Variants in ADGRF5 observed in about 807,000 individuals in gnomAD.
ADGRF5 encodes the protein G-protein coupled receptor 116.
A neutral mutation model predicts 132.3 loss-of-function variants in ADGRF5; 75 were observed. That is an observed-to-expected ratio of 0.57 (90% confidence interval 0.47 to 0.69). The LOEUF (loss-of-function observed/expected upper bound fraction) is 0.69, where lower values mean the gene tolerates loss of function less well. Ranked by LOEUF, ADGRF5 falls within the 30% of genes least tolerant of loss-of-function variation. ADGRF5 has a pLI of 0.00. For missense variants in ADGRF5, 1,516 were observed against 1,630.6 expected (o/e 0.93, Z 1.21); for synonymous variants, 629 against 597.6 (o/e 1.05, Z -0.77).
At chr6:46,882,797 G>T (rs569849099) in intron 6 of ADGRF5, among the ~76,000 whole-genome samples, 2 of 152,168 alleles carry the variant, frequency 1.3e-5, no homozygotes, top group African/African-American at 4.8e-5. Flanking sequence ...CTTCTGAAGC[G>T]GCACTTCATC....
intron 2 of ADGRF5, among the ~76,000 whole-genome samples, chr6:46,905,700 G>A (rs1775281156): frequency 6.6e-6 from 1 of 151,824 alleles, no homozygotes; most frequent in Non-Finnish European, 1.5e-5. Context: ...GACAAAGAAG[G>A]GCATTTTATA....
At chr6:46,918,874 C>T (rs1052350716) in intron 1 of ADGRF5, among the ~76,000 whole-genome samples, 3 of 152,190 alleles carry the variant, frequency 2.0e-5, no homozygotes, top group Non-Finnish European at 2.9e-5. Flanking sequence ...CTCAGTTTAG[C>T]CACTGTATCT....
At chr6:46,856,950 G>T in intron 17 of ADGRF5, 42 bp from the exon 18 acceptor site, 1 of 1,469,532 alleles carries the variant, frequency 6.8e-7, no homozygotes, top group Non-Finnish European at 9.5e-7. Context: ...TTTAATTATA[G>T]TCTATTGTCC....
At chr6:46,882,137 T>C (rs1299969485) in intron 6 of ADGRF5, 30 bp from the exon 7 acceptor site, 6 of 1,517,050 alleles carry the variant, frequency 4.0e-6, no homozygotes, top group Admixed American at 3.3e-5. Context: ...GAATGTCATA[T>C]ATCAAAGTCG....
chr6:46,868,737 G>C lies in ADGRF5; in HGVS notation c.1621+146C>G, dbSNP rs1008148059. ...GAAATAATGGCATCTTCCCTCAAAG[G>C]AATGTTGCGTTAAGTGTGAAGACAT... is the stretch of plus-strand genomic sequence containing the variant. On this transcript the variant is annotated intron_variant, in intron 12 of 20. Coordinates refer to ENST00000283296, the MANE Select transcript of ADGRF5 (RefSeq NM_001098518.2). The C allele has an allele frequency of 5.1e-6, 3 of 591,340 alleles. No individual in the cohort carries two copies. The African/African-American group carries it at 5.5e-5, about 11-fold the overall frequency. The allele number at this position is 591,340 out of a possible 1,614,324, so 36.6% of individuals were successfully genotyped here.
At position 46,881,610 on chromosome 6, in the gene ADGRF5, C is replaced by T; in HGVS notation, c.672-13G>A. 6.2e-7 allele frequency: 1 copy of T among 1,611,278 alleles called. No homozygotes were observed. The highest frequency in any genetic ancestry group is 8.5e-7 in the Non-Finnish European group (1 of 1,178,304). On this transcript the variant is annotated splice_polypyrimidine_tract_variant and intron_variant, in intron 7 of 20. Coordinates refer to ENST00000283296, the MANE Select transcript of ADGRF5 (RefSeq NM_001098518.2). ...CACACTTCCAGACCTGGACAGAGAC[C>T]ACTCAGTTCAGTAAAACAATAACTG...
intron 1 of ADGRF5, among the ~76,000 whole-genome samples, chr6:46,910,664 T>G (rs900379895): frequency 3.3e-5 from 5 of 152,016 alleles, no homozygotes; most frequent in African/African-American, 1.2e-4. Flanking sequence ...AAGGTGCCAT[T>G]TGAGCTAAGA....
At chr6:46,882,207 T>G in intron 6 of ADGRF5, 100 bp from the exon 7 acceptor site, 1 of 808,032 alleles carries the variant, frequency 1.2e-6, no homozygotes, top group Non-Finnish European at 2.2e-6. Context: ...CTAATCACAC[T>G]AGGTAAAATT....
chr6:46,899,229 G>A (rs1051849212), intron 3 of ADGRF5, among the ~76,000 whole-genome samples: 11 of 152,148 alleles, frequency 7.2e-5, no homozygotes, highest in African/African-American at 2.2e-4. Flanking sequence ...TGTTGATGAC[G>A]TGAAAGGGAA....
At position 46,893,724 on chromosome 6, in the gene ADGRF5, T is replaced by A. The variant is rs922409964; in HGVS notation, c.158-5219A>T. Among the ~76,000 whole-genome samples, 3 of 152,172 alleles carry A rather than the reference T, an allele frequency of 2.0e-5. No individual in the cohort carries two copies. In the South Asian group the frequency reaches 6.2e-4, roughly 32 times the overall value. ...TGTGTTTTCTTTGCCCCTGGCATTG[T>A]TTATCTAGATTTTTCTGGCTCGCTG... On this transcript the variant is annotated intron_variant, in intron 3 of 20. Coordinates refer to ENST00000283296, the MANE Select transcript of ADGRF5 (RefSeq NM_001098518.2).
chr6:46,939,230 G>T (rs1358759295), intron 1 of ADGRF5, among the ~76,000 whole-genome samples: 4 of 152,138 alleles, frequency 2.6e-5, no homozygotes, highest in African/African-American at 9.7e-5. Context: ...TTAACTAGTG[G>T]TTCTCTTCTA....
chr6:46,930,345 T>C (rs769695495), intron 1 of ADGRF5, among the ~76,000 whole-genome samples: 5 of 152,204 alleles, frequency 3.3e-5, no homozygotes, highest in African/African-American at 1.2e-4. Flanking sequence ...TGGAGACAAA[T>C]TGCTTTAAGT....
intron 1 of ADGRF5, among the ~76,000 whole-genome samples, chr6:46,939,929 A>G (rs1244327245): frequency 1.3e-5 from 2 of 152,188 alleles, no homozygotes; most frequent in Non-Finnish European, 2.9e-5. Flanking sequence ...TGCTCACAGG[A>G]ACTTATTTCC....
intron 20 of ADGRF5, 75 bp from the exon 21 acceptor site, chr6:46,854,146 AC>A (rs2150768740): frequency 2.9e-6 from 3 of 1,048,128 alleles, no homozygotes; most frequent in Admixed American, 2.5e-5. Context: ...CTCCTAAGGG[AC>A]CCAGGGGAGC....
At chr6:46,855,826 AT>A in intron 20 of ADGRF5, 147 bp downstream of exon 20, 1 of 623,306 alleles carries the variant, frequency 1.6e-6, no homozygotes, top group Non-Finnish European at 2.9e-6. Flanking sequence ...ATTTGTGAAA[AT>A]GTAAGTTCCT....
At chr6:46,941,421 GAAAAGAAA>G (rs1198445591) in intron 1 of ADGRF5, among the ~76,000 whole-genome samples, 2 of 39,078 alleles carry the variant, frequency 5.1e-5, no homozygotes, top group African/African-American at 1.6e-4. Flanking sequence ...GAAAAGAAAA[GAAAAGAAA>G]AGAAAAGAAA....
At chr6:46,907,657 A>G (rs1775532089) in intron 1 of ADGRF5, among the ~76,000 whole-genome samples, 2 of 152,148 alleles carry the variant, frequency 1.3e-5, no homozygotes, top group South Asian at 2.1e-4. Context: ...GACCAAGACA[A>G]TCTACTTTGT....
rs1345256489 is a variant in ADGRF5 at position 46,871,897 on chromosome 6, T to G, written c.1357A>C (p.Ser453Arg). The G allele has an allele frequency of 6.2e-7, 1 of 1,612,722 alleles. No individual in the cohort carries two copies. ...GCACTGCCTCTGGCTCCATAGGCAC[T>G]GATGAACTCACAAGTGTAGATGACT... Reference protein sequence around the residue: ...TTVIYTCEFISAYGARGSANI... With the variant: ...TTVIYTCEFIRAYGARGSANI... Residue 453 changes from serine (S) to arginine (R), a missense_variant, in exon 11 of 21, where the codon AGT becomes CGT. Ser to Arg is a moderately radical substitution (Grantham distance 110). This residue lies in a region of ADGRF5 where 945 missense variants were observed against 929.4 expected (regional missense o/e 1.02). Coordinates refer to ENST00000283296, the MANE Select transcript of ADGRF5 (RefSeq NM_001098518.2).
chr6:46,877,326 T>C (rs570951), intron 10 of ADGRF5, among the ~76,000 whole-genome samples: 69,658 of 96,822 alleles, frequency 0.72, 23,171 homozygotes, highest in Non-Finnish European at 0.76. Flanking sequence ...TCCTTCCTTC[T>C]TTCTTTCTTT....
Sources: gnomAD v4.1 joint callset for allele counts (sites outside exome capture counted in the v4.1 genomes callset) on GRCh38, gnomAD v4.1.1 for gene constraint, gnomAD v4.1.1 regional missense constraint, MANE v1.5 for transcripts, NCBI Gene and HGNC (gene_info 2026-07-23, HGNC 2026-07-21) for gene names.